TGFBR3: variants seen among roughly 807,000 people sequenced by gnomAD.
The protein encoded by TGFBR3 is transforming growth factor beta receptor 3.
A neutral mutation model predicts 87.9 loss-of-function variants in TGFBR3; 46 were observed. That is an observed-to-expected ratio of 0.52 (90% CI 0.41 to 0.67). The LOEUF (loss-of-function observed/expected upper bound fraction) is 0.67, where lower values mean the gene tolerates loss of function less well. Among genes scored for constraint, TGFBR3 ranks in the 30% least tolerant of loss-of-function variants. The pLI is 0.00. For synonymous variants in TGFBR3, 381 were observed against 391.6 expected (o/e 0.97, Z 0.32); for missense variants, 866 against 1,041.9 (o/e 0.83, Z 2.32).
chr1:91,772,039 CG>C (rs1674398771), intron 3 of TGFBR3, among the ~76,000 whole-genome samples: 1 of 151,882 alleles, frequency 6.6e-6, no homozygotes, highest in African/African-American at 2.4e-5. Flanking sequence ...TTAATTCAGA[CG>C]GAGCTAAGGA....
chr1:91,751,024 C>T (rs1054260172), intron 4 of TGFBR3, among the ~76,000 whole-genome samples: 1 of 152,224 alleles, frequency 6.6e-6, no homozygotes, highest in Non-Finnish European at 1.5e-5. Flanking sequence ...TGACGACAGG[C>T]AATTCACCCC....
At chr1:91,727,273 G>A (rs1211891439) in intron 7 of TGFBR3, among the ~76,000 whole-genome samples, 3 of 152,164 alleles carry the variant, frequency 2.0e-5, no homozygotes, top group East Asian at 3.8e-4. Flanking sequence ...GCTGATATTC[G>A]GTACTATGAC....
chr1:91,823,739 G>A (rs1052418737), intron 2 of TGFBR3, among the ~76,000 whole-genome samples: 2 of 152,246 alleles, frequency 1.3e-5, no homozygotes, highest in Non-Finnish European at 2.9e-5. Flanking sequence ...AATGAAAGGG[G>A]TGGAGATGGA....
At chr1:91,743,575 C>T (rs546126240) in intron 4 of TGFBR3, among the ~76,000 whole-genome samples, 7 of 152,334 alleles carry the variant, frequency 4.6e-5, no homozygotes, top group African/African-American at 1.7e-4. Flanking sequence ...ATATAATATG[C>T]TTATTGCCCA....
At chr1:91,810,065 G>C (rs1461601973) in intron 2 of TGFBR3, among the ~76,000 whole-genome samples, 2 of 152,078 alleles carry the variant, frequency 1.3e-5, no homozygotes, top group Non-Finnish European at 2.9e-5. Flanking sequence ...GTTTTTTGGG[G>C]GTAAGTGGAC....
At chr1:91,698,510 ATTCTT>A (rs1245011747) in intron 14 of TGFBR3, among the ~76,000 whole-genome samples, 1 of 139,940 alleles carries the variant, frequency 7.1e-6, no homozygotes, top group Non-Finnish European at 1.5e-5. Context: ...CTTTCAAAAT[ATTCTT>A]TTTTTTTTTT....
intron 3 of TGFBR3, among the ~76,000 whole-genome samples, chr1:91,780,037 T>C (rs1384001564): frequency 6.6e-6 from 1 of 152,148 alleles, no homozygotes; most frequent in Non-Finnish European, 1.5e-5. Context: ...GTCTGTGTCA[T>C]CAAATCCCTG....
At chr1:91,707,096 A>T (rs879262757) in intron 14 of TGFBR3, among the ~76,000 whole-genome samples, 3 of 152,264 alleles carry the variant, frequency 2.0e-5, no homozygotes, top group Non-Finnish European at 2.9e-5. Context: ...AGCATAGTTG[A>T]GTATTACAAC....
chr1:91,844,048 C>T (rs1014179875), intron 2 of TGFBR3, among the ~76,000 whole-genome samples: 1 of 152,214 alleles, frequency 6.6e-6, no homozygotes, highest in Non-Finnish European at 1.5e-5. Context: ...AACATCCAAT[C>T]TTTGGGTTCC....
chr1:91,727,934 C>T (rs1016827028), intron 6 of TGFBR3, 128 bp from the exon 7 acceptor site: 2 of 1,077,060 alleles, frequency 1.9e-6, no homozygotes, highest in Non-Finnish European at 1.4e-6. Flanking sequence ...TGATCCCAGG[C>T]CAATGACATG....
chr1:91,814,440 AC>A (rs1676142764), intron 2 of TGFBR3, among the ~76,000 whole-genome samples: 1 of 152,284 alleles, frequency 6.6e-6, no homozygotes, highest in East Asian at 1.9e-4. Flanking sequence ...TTTTAATCAA[AC>A]AAGAACAGGA....
intron 3 of TGFBR3, among the ~76,000 whole-genome samples, chr1:91,765,394 C>T (rs1674142335): frequency 6.6e-6 from 1 of 151,740 alleles, no homozygotes; most frequent in South Asian, 2.1e-4. Context: ...GTTTTTCTGG[C>T]CAGAACAAGG....
upstream of TGFBR3, among the ~76,000 whole-genome samples, chr1:91,887,172 C>T (rs1679342794): frequency 6.9e-6 from 1 of 144,386 alleles, no homozygotes; most frequent in Admixed American, 7.1e-5. Context: ...CGTCAAGGCT[C>T]AGTTCAAATG....
intron 12 of TGFBR3, among the ~76,000 whole-genome samples, chr1:91,715,279 T>G (rs1477939832): frequency 6.6e-6 from 1 of 152,262 alleles, no homozygotes; most frequent in Non-Finnish European, 1.5e-5. Flanking sequence ...GATGTTTGCA[T>G]TGATAAGACG....
At chr1:91,877,714 G>C (rs1678858384) in intron 1 of TGFBR3, among the ~76,000 whole-genome samples, 1 of 152,180 alleles carries the variant, frequency 6.6e-6, no homozygotes, top group African/African-American at 2.4e-5. Context: ...TCAAAAACAT[G>C]ATACATCCAA....
At chr1:91,733,336 C>G (rs150455702) in intron 5 of TGFBR3, among the ~76,000 whole-genome samples, 1 of 152,342 alleles carries the variant, frequency 6.6e-6, no homozygotes, top group African/African-American at 2.4e-5. Context: ...AGCAGGTTCA[C>G]TTAGCCCTCC....
intron 1 of TGFBR3, 178 bp from the exon 2 acceptor site, chr1:91,861,822 G>T: frequency 2.7e-6 from 1 of 364,768 alleles, no homozygotes; most frequent in Non-Finnish European, 5.1e-6. Flanking sequence ...GATTTTTATA[G>T]CAAATACTTT....
At chr1:91,764,319 A>AG (rs1189034399) in intron 3 of TGFBR3, among the ~76,000 whole-genome samples, 1 of 120,346 alleles carries the variant, frequency 8.3e-6, no homozygotes, top group East Asian at 2.3e-4. Context: ...AAAAGAGACA[A>AG]AAAAAAAAAA....
At chr1:91,842,748 C>G (rs2101120436) in intron 2 of TGFBR3, among the ~76,000 whole-genome samples, 1 of 152,302 alleles carries the variant, frequency 6.6e-6, no homozygotes, top group Non-Finnish European at 1.5e-5. Context: ...GAAGACCTAA[C>G]TACTATGTGC....
Sources: allele counts gnomAD v4.1 joint callset (sites outside exome capture counted in the v4.1 genomes callset), GRCh38; gene constraint gnomAD v4.1.1; transcripts MANE v1.5; gene names NCBI Gene and HGNC (gene_info 2026-07-23, HGNC 2026-07-21).